VPS54: variants seen among roughly 807,000 people sequenced by gnomAD.
The protein encoded by VPS54 is vacuolar protein sorting-associated protein 54.
A neutral mutation model predicts 121.5 loss-of-function variants in VPS54; 45 were observed. The observed-to-expected ratio is 0.37, with a 90% CI of 0.29 to 0.47. The LOEUF (loss-of-function observed/expected upper bound fraction) is 0.47. VPS54 is among the 20% of genes least tolerant of loss of function. The probability of loss-of-function intolerance (pLI) is 0.99; values close to 1 mark genes in which losing one functional copy is unlikely to be tolerated. For synonymous variants in VPS54, 371 were observed against 385.8 expected (o/e 0.96, Z 0.45); for missense variants, 1,090 against 1,131.4 (o/e 0.96, Z 0.52).
intron 11 of VPS54, among the ~76,000 whole-genome samples, chr2:63,935,927 T>C (rs1246198497): frequency 6.6e-6 from 1 of 152,076 alleles, no homozygotes; most frequent in African/African-American, 2.4e-5. Context: ...AAACTCTAAG[T>C]AAAAAATAGA....
chr2:63,981,019 A>G (rs1379878443), intron 3 of VPS54, among the ~76,000 whole-genome samples: 1 of 152,114 alleles, frequency 6.6e-6, no homozygotes, highest in African/African-American at 2.4e-5. Context: ...AAATAAAACC[A>G]GCTAAATTCA....
intron 5 of VPS54, 94 bp downstream of exon 5, chr2:63,968,863 C>CAAAAAAAAAAAAAAAAAAAAAAAAAAAAA (rs34977697): frequency 1.2e-6 from 1 of 830,738 alleles, no homozygotes; most frequent in African/African-American, 2.0e-5. Flanking sequence ...GCCAAAGGGT[C>CAAAAAAAAAAAAAAAAAAAAAAAAAAAAA]AAAAAAAAAA....
chr2:64,004,545 A>T (rs1400185488), intron 1 of VPS54, among the ~76,000 whole-genome samples: 1 of 152,212 alleles, frequency 6.6e-6, no homozygotes, highest in Non-Finnish European at 1.5e-5. Flanking sequence ...CAAAATAGGA[A>T]ATAAACATCA....
At chr2:63,922,715 T>C (rs972316086) in intron 12 of VPS54, among the ~76,000 whole-genome samples, 2 of 152,184 alleles carry the variant, frequency 1.3e-5, no homozygotes, top group African/African-American at 4.8e-5. Context: ...CATTTCTATA[T>C]AAACAGTCTA....
At chr2:63,917,246 A>G (rs989736068) in intron 15 of VPS54, among the ~76,000 whole-genome samples, 10 of 152,056 alleles carry the variant, frequency 6.6e-5, no homozygotes, top group African/African-American at 1.9e-4. Context: ...GTGAACAACA[A>G]TATCTTTCAG....
Position 63,896,055 on chromosome 2 carries a change from T to G in VPS54, c.2828+1441A>C, listed in dbSNP as rs527756091. 1.8e-4 allele frequency among the ~76,000 whole-genome samples: 28 copies of G among 152,366 alleles called. 1 individual carries two copies. Among genetic ancestry groups the G allele is most frequent in the African/African-American group, 6.7e-4 (28 of 41,588 alleles). ...GTATACATCTCTACCAAGAGTCTCC[T>G]AAGTTTCTAATATGCTATTATCTTT... On this transcript the variant is annotated intron_variant, in intron 22 of 22. Coordinates refer to ENST00000272322, the MANE Select transcript of VPS54 (RefSeq NM_016516.3).
At chr2:64,014,326 C>T (rs17752211) in intron 1 of VPS54, among the ~76,000 whole-genome samples, 3,985 of 152,214 alleles carry the variant, frequency 0.026, 88 homozygotes, top group Admixed American at 0.057. Context: ...TAAGTCACTT[C>T]CAAAAATTTT....
intron 7 of VPS54, among the ~76,000 whole-genome samples, chr2:63,952,292 A>AT (rs1675289448): frequency 6.6e-6 from 1 of 152,200 alleles, no homozygotes; most frequent in Admixed American, 6.5e-5. Context: ...TAGATAACCT[A>AT]GTTGGTCCAA....
intron 4 of VPS54, among the ~76,000 whole-genome samples, chr2:63,969,678 T>C (rs974018936): frequency 3.9e-5 from 6 of 152,154 alleles, no homozygotes; most frequent in African/African-American, 1.2e-4. Flanking sequence ...ATAATAAAGG[T>C]TCATCCCAAA....
At chr2:64,008,013 G>GAAA (rs200093482) in intron 1 of VPS54, among the ~76,000 whole-genome samples, 2 of 137,306 alleles carry the variant, frequency 1.5e-5, no homozygotes, top group African/African-American at 5.3e-5. Flanking sequence ...GTGGTAAAAG[G>GAAA]AAAAAAAAAA....
chr2:63,906,677 A>G (rs535821687), intron 20 of VPS54, among the ~76,000 whole-genome samples: 1 of 152,276 alleles, frequency 6.6e-6, no homozygotes, highest in African/African-American at 2.4e-5. Flanking sequence ...TTGGGAAGAG[A>G]TACACAACAT....
chr2:63,953,973 T>C lies in VPS54; in HGVS notation c.1011-4810A>G, dbSNP rs538983818. Among the ~76,000 whole-genome samples, 241 of 152,280 alleles carry C rather than the reference T, an allele frequency of 1.6e-3. 2 individuals carry two copies. The highest frequency in any genetic ancestry group is 5.4e-3 in the African/African-American group (224 of 41,558). ...TATTAATACAAACAATATAGGACTT[T>C]TTCCTCTTCTTTTCCTTAAGATGTA... On this transcript the variant is annotated intron_variant, in intron 7 of 22. Coordinates refer to ENST00000272322, the MANE Select transcript of VPS54 (RefSeq NM_016516.3).
intron 1 of VPS54, among the ~76,000 whole-genome samples, chr2:64,000,317 G>A (rs1011012077): frequency 2.6e-5 from 4 of 152,132 alleles, no homozygotes; most frequent in Admixed American, 2.6e-4. Context: ...GAATTTCTCT[G>A]AGTTTTCTCA....
chr2:63,921,200 AG>A lies in VPS54; in HGVS notation c.1869+5del, dbSNP rs759332977. 1.6e-5 allele frequency: 25 copies of A among 1,602,556 alleles called. No homozygotes were observed. In the South Asian group the frequency reaches 2.0e-4, roughly 13 times the overall value. ...AAAATATATAAAGCTTTATGAAAAT[AG>A]CTACCTTTGCTCTTGACATGAGAAA... is the stretch of plus-strand genomic sequence containing the variant. On this transcript the variant is annotated splice_donor_5th_base_variant and intron_variant, in intron 13 of 22. Transcript: ENST00000272322.
chr2:63,899,506 T>C lies in VPS54; in HGVS notation c.2701A>G (p.Ile901Val), dbSNP rs1352849655. 1.9e-6 allele frequency: 3 copies of C among 1,613,918 alleles called. No homozygotes were observed. The highest frequency in any genetic ancestry group is 1.1e-5 in the South Asian group (1 of 91,080). The change falls in exon 21 of 23, where the codon ATA (isoleucine) becomes GTA (valine). Residue 901 changes from isoleucine to valine, a missense_variant. Coordinates refer to ENST00000272322, the MANE Select transcript of VPS54 (RefSeq NM_016516.3). ...TGTTCTTCTGGAAGGAGATCAAATA[T>C]AGCTTCGTGCATTTTTGTCATTTGC... is the stretch of plus-strand genomic sequence containing the variant. ...CKQMTKMHEA[I>V]FDLLPEEQTQ... is the part of the protein sequence containing the mutation.
At chr2:64,002,822 A>T (rs1323886812) in intron 1 of VPS54, among the ~76,000 whole-genome samples, 1 of 152,220 alleles carries the variant, frequency 6.6e-6, no homozygotes, top group Non-Finnish European at 1.5e-5. Context: ...ATTACATAAA[A>T]CTAGTGGACT....
Position 63,934,000 on chromosome 2 carries a change from A to T in VPS54, c.1412T>A (p.Ile471Asn), listed in dbSNP as rs756218955. 6.2e-7 allele frequency: 1 copy of T among 1,611,676 alleles called. No homozygotes were observed. Among genetic ancestry groups the T allele is most frequent in the East Asian group, 2.2e-5 (1 of 44,816 alleles). ...AACTGAGAGAACAACACTGTGAATGATATTTAATGTTGCCTACAAGAAAAT... is the reference window on the plus strand; with the variant it reads ...AACTGAGAGAACAACACTGTGAATGTTATTTAATGTTGCCTACAAGAAAAT... ...FLQRVKATLN[I>N]IHSVVLSVLD... The change falls in exon 12 of 23, where the codon ATC (isoleucine) becomes AAC (asparagine). Residue 471 changes from isoleucine (I) to asparagine (N), a missense_variant. Ile to Asn is a moderately radical substitution (Grantham distance 149). Transcript: ENST00000272322.
chr2:63,915,930 A>T (rs565576890), intron 16 of VPS54, among the ~76,000 whole-genome samples: 2 of 152,334 alleles, frequency 1.3e-5, no homozygotes, highest in South Asian at 4.1e-4. Context: ...CATATACATA[A>T]ATAAACAATT....
chr2:63,906,894 A>G (rs1198872962), intron 20 of VPS54, among the ~76,000 whole-genome samples: 1 of 152,240 alleles, frequency 6.6e-6, no homozygotes, highest in Admixed American at 6.5e-5. Flanking sequence ...TAGAATAGCC[A>G]AAACAATTTT....
Sources: allele counts gnomAD v4.1 joint callset (sites outside exome capture counted in the v4.1 genomes callset), GRCh38; gene constraint gnomAD v4.1.1; transcripts MANE v1.5; gene names NCBI Gene and HGNC (gene_info 2026-07-23, HGNC 2026-07-21).